Variants in KLHL29 observed in about 807,000 individuals in gnomAD.
The protein encoded by KLHL29 is kelch like family member 29, also known as kelch-like protein 29.
In KLHL29, 21 loss-of-function variants were observed where a neutral mutation model predicts 80.4. That is an observed-to-expected ratio of 0.26 (90% CI 0.19 to 0.38). KLHL29 has a LOEUF of 0.38. Among genes scored for constraint, KLHL29 ranks in the 10% least tolerant of loss-of-function variants. The pLI, the probability that KLHL29 is intolerant of heterozygous loss-of-function variation, is 1.00. For synonymous variants in KLHL29, 511 were observed against 526.8 expected (o/e 0.97, Z 0.41); for missense variants, 867 against 1,223.9 (o/e 0.71, Z 4.35).
chr2:23,612,706 C>T (rs933870421), intron 3 of KLHL29, among the ~76,000 whole-genome samples: 3 of 152,154 alleles, frequency 2.0e-5, no homozygotes, highest in Non-Finnish European at 4.4e-5. Context: ...CACACCATTG[C>T]ACTCCAGCCT....
At chr2:23,505,539 G>A (rs888335350) in intron 2 of KLHL29, among the ~76,000 whole-genome samples, 3 of 152,208 alleles carry the variant, frequency 2.0e-5, no homozygotes, top group Admixed American at 1.3e-4. Context: ...ACTCTGGTTA[G>A]GTTGTCTGGG....
chr2:23,425,385 G>T (rs140214254), intron 1 of KLHL29, among the ~76,000 whole-genome samples: 1 of 152,246 alleles, frequency 6.6e-6, no homozygotes, highest in Middle Eastern at 3.4e-3. Context: ...ACCAGTCCCC[G>T]CCTGCTAAGG....
In KLHL29 at chr2:23,473,287, C is replaced by T. The variant is rs1471306161; in HGVS notation, c.-153-2273C>T. ...GGGTCCAAAACATGAGGGATGCTCTCCATACAGGTCAGGTGAGCCTCCCAG... is the reference window on the plus strand; with the variant it reads ...GGGTCCAAAACATGAGGGATGCTCTTCATACAGGTCAGGTGAGCCTCCCAG... On this transcript the variant is annotated intron_variant, in intron 1 of 13. Coordinates refer to ENST00000486442, the MANE Select transcript of KLHL29 (RefSeq NM_052920.2). Among the ~76,000 whole-genome samples the T allele has an allele frequency of 3.3e-5, 5 of 152,088 alleles. No homozygotes were observed. In the South Asian group the frequency reaches 8.3e-4, roughly 25 times the overall value.
At chr2:23,676,643 A>G (rs1281847102) in intron 5 of KLHL29, among the ~76,000 whole-genome samples, 1 of 152,212 alleles carries the variant, frequency 6.6e-6, no homozygotes, top group Non-Finnish European at 1.5e-5. Context: ...AATAACAATA[A>G]TAGGGTGAGG....
rs78289578 is a variant in KLHL29, at chr2:23,506,566, C to G, written c.-46+30899C>G. Among the ~76,000 whole-genome samples the G allele has an allele frequency of 9.6e-3, 1,461 of 152,286 alleles. 21 individuals are homozygous for G. Among genetic ancestry groups the G allele is most frequent in the African/African-American group, 0.033 (1,390 of 41,548 alleles). On this transcript the variant is annotated intron_variant, in intron 2 of 13. Coordinates refer to ENST00000486442, the MANE Select transcript of KLHL29 (RefSeq NM_052920.2). ...CTCCTCCCTTTTTGACCACTCTGGCCCAAGTGGGGTACTCAAGGCTGTTTC... is the reference window on the plus strand; with the variant it reads ...CTCCTCCCTTTTTGACCACTCTGGCGCAAGTGGGGTACTCAAGGCTGTTTC...
intron 1 of KLHL29, among the ~76,000 whole-genome samples, chr2:23,390,220 G>T (rs1487354507): frequency 3.9e-5 from 6 of 152,158 alleles, no homozygotes; most frequent in Non-Finnish European, 4.4e-5. Flanking sequence ...TTATCGTTTG[G>T]GAGCATTTCC....
intron 3 of KLHL29, among the ~76,000 whole-genome samples, chr2:23,606,001 C>T (rs1486311864): frequency 6.6e-6 from 1 of 151,982 alleles, no homozygotes; most frequent in Non-Finnish European, 1.5e-5. Context: ...AATTCCTGAC[C>T]TCAGTGATCT....
At position 23,559,677 on chromosome 2, in the gene KLHL29, G is replaced by A. The variant is rs187626663; in HGVS notation, c.-45-2475G>A. 1.8e-3 allele frequency among the ~76,000 whole-genome samples: 272 copies of A among 152,206 alleles called. 2 individuals are homozygous for A. Among genetic ancestry groups the A allele is most frequent in the Middle Eastern group, 6.8e-3 (2 of 294 alleles). On this transcript the variant is annotated intron_variant, in intron 2 of 13. Coordinates refer to ENST00000486442, the MANE Select transcript of KLHL29 (RefSeq NM_052920.2). Reference sequence around the variant, plus strand: ...TTGCGCTAATTTAGCAACTTTGGGCGTTTAGGTACCTGTGGAACAGCTGGG... The same window carrying A: ...TTGCGCTAATTTAGCAACTTTGGGCATTTAGGTACCTGTGGAACAGCTGGG...
intron 1 of KLHL29, among the ~76,000 whole-genome samples, chr2:23,408,741 G>A (rs1460195019): frequency 6.6e-6 from 1 of 152,198 alleles, no homozygotes; most frequent in African/African-American, 2.4e-5. Context: ...GGATGTCTGG[G>A]AGAGCTTGTA....
chr2:23,557,472 C>T (rs1460897659), intron 2 of KLHL29, among the ~76,000 whole-genome samples: 2 of 152,052 alleles, frequency 1.3e-5, no homozygotes, highest in African/African-American at 2.4e-5. Flanking sequence ...GCTCCAGGCC[C>T]GGAGTCTCCA....
chr2:23,505,680 A>G (rs541100972), intron 2 of KLHL29, among the ~76,000 whole-genome samples: 15 of 152,320 alleles, frequency 9.8e-5, no homozygotes, highest in African/African-American at 3.1e-4. Context: ...CACCTACAGA[A>G]AGTTCCAGAG....
chr2:23,462,538 C>T (rs1353004785), intron 1 of KLHL29, among the ~76,000 whole-genome samples: 2 of 152,178 alleles, frequency 1.3e-5, no homozygotes, highest in Admixed American at 1.3e-4. Context: ...AGAGAATTCT[C>T]TGGGCTTCCG....
At chr2:23,452,129 A>G (rs1663897152) in intron 1 of KLHL29, among the ~76,000 whole-genome samples, 2 of 151,792 alleles carry the variant, frequency 1.3e-5, no homozygotes, top group African/African-American at 2.4e-5. Flanking sequence ...CTCCCACCTC[A>G]GCCTCTTGAA....
At chr2:23,559,287 C>A (rs2103494910) in intron 2 of KLHL29, among the ~76,000 whole-genome samples, 1 of 152,214 alleles carries the variant, frequency 6.6e-6, no homozygotes, top group South Asian at 2.1e-4. Context: ...CGCCCAGATC[C>A]TCTTCTGGGC....
chr2:23,621,643 G>A (rs1262132391), intron 3 of KLHL29, among the ~76,000 whole-genome samples: 1 of 152,122 alleles, frequency 6.6e-6, no homozygotes, highest in African/African-American at 2.4e-5. Flanking sequence ...GAATGGAGGT[G>A]AATGGAGATG....
rs867918175 is a variant in KLHL29, at chr2:23,550,181, G to A, written c.-45-11971G>A. 4.6e-5 allele frequency among the ~76,000 whole-genome samples: 7 copies of A among 152,312 alleles called. No homozygotes were observed. The Middle Eastern group carries it at 0.01, about 222-fold the overall frequency. On this transcript the variant is annotated intron_variant, in intron 2 of 13. Coordinates refer to ENST00000486442, the MANE Select transcript of KLHL29 (RefSeq NM_052920.2). ...CACTGAGCCGGGTATAATGGGGAAGGAGGTGGGCAGTGAACTTGACATGAT... is the reference window on the plus strand; with the variant it reads ...CACTGAGCCGGGTATAATGGGGAAGAAGGTGGGCAGTGAACTTGACATGAT...
chr2:23,499,278 G>T (rs1189523839), intron 2 of KLHL29, among the ~76,000 whole-genome samples: 1 of 152,240 alleles, frequency 6.6e-6, no homozygotes, highest in East Asian at 1.9e-4. Context: ...ACAGTGGAAT[G>T]GTTTAGAGCA....
chr2:23,546,602 C>G (rs530284268), intron 2 of KLHL29, among the ~76,000 whole-genome samples: 1 of 152,114 alleles, frequency 6.6e-6, no homozygotes, highest in Admixed American at 6.5e-5. Context: ...TAGGGAGCAG[C>G]GATCCTAGAA....
At chr2:23,417,241 G>T (rs1283267534) in intron 1 of KLHL29, among the ~76,000 whole-genome samples, 1 of 152,056 alleles carries the variant, frequency 6.6e-6, no homozygotes, top group Non-Finnish European at 1.5e-5. Context: ...GCTTTTCCCT[G>T]CCCATTCATT....
Sources: gnomAD v4.1 joint callset for allele counts (sites outside exome capture counted in the v4.1 genomes callset) on GRCh38, gnomAD v4.1.1 for gene constraint, MANE v1.5 for transcripts, NCBI Gene and HGNC (gene_info 2026-07-23, HGNC 2026-07-21) for gene names.